ABCC4: variants seen among roughly 807,000 people sequenced by gnomAD.
The protein encoded by ABCC4 is ATP-binding cassette sub-family C member 4.
Under a neutral mutation model 168.5 loss-of-function variants are expected in ABCC4, and 102 were observed. That is an observed-to-expected ratio of 0.61 (90% confidence interval 0.52 to 0.71). The LOEUF (loss-of-function observed/expected upper bound fraction) is 0.71. Ranked by LOEUF, ABCC4 falls within the 30% of genes least tolerant of loss-of-function variation. The pLI, the probability that ABCC4 is intolerant of heterozygous loss-of-function variation, is 0.00. For synonymous variants in ABCC4, 617 were observed against 590.7 expected, an observed-to-expected ratio of 1.04 and a Z score of -0.65; for missense variants, 1,402 against 1,605.8, an observed-to-expected ratio of 0.87 and a Z score of 2.17.
In ABCC4 at chr13:95,115,919, T is replaced by C. The variant is rs980750717; in HGVS notation, c.2535+3A>G. 6.2e-7 allele frequency: 1 copy of C among 1,610,340 alleles called. No homozygotes were observed. Among genetic ancestry groups the C allele is most frequent in the Non-Finnish European group, 8.5e-7 (1 of 1,178,076 alleles). Reference sequence around the variant, plus strand: ...GAGATCCTGACATTACTCTCAACGTTACCTGGATGAAATCTAAAAACGTCA... The same window carrying C: ...GAGATCCTGACATTACTCTCAACGTCACCTGGATGAAATCTAAAAACGTCA... On this transcript the variant is annotated splice_donor_region_variant and intron_variant, in intron 20 of 30. Coordinates refer to ENST00000645237, the MANE Select transcript of ABCC4 (RefSeq NM_005845.5).
chr13:95,267,898 T>C (rs200757933), intron 1 of ABCC4, among the ~76,000 whole-genome samples: 1 of 152,034 alleles, frequency 6.6e-6, no homozygotes, highest in Non-Finnish European at 1.5e-5. Flanking sequence ...CTGAGATCAA[T>C]CCCACAGCCA....
chr13:95,164,729 A>G (rs2037216036), intron 15 of ABCC4, among the ~76,000 whole-genome samples: 1 of 151,868 alleles, frequency 6.6e-6, no homozygotes, highest in Non-Finnish European at 1.5e-5. Flanking sequence ...AATTTTGCTC[A>G]TGTTTCCCAG....
chr13:95,096,148 A>G (rs2034588717), intron 20 of ABCC4: 6 of 639,862 alleles, frequency 9.4e-6, no homozygotes, highest in South Asian at 8.8e-5. Flanking sequence ...GGAGTTTGAG[A>G]CCAGCCAGGA....
At chr13:95,135,295 A>C (rs2036110618) in intron 19 of ABCC4, among the ~76,000 whole-genome samples, 1 of 152,244 alleles carries the variant, frequency 6.6e-6, no homozygotes, top group Admixed American at 6.5e-5. Context: ...AAATCAGAAA[A>C]AGTTACAGAG....
chr13:95,211,975 G>A (rs1001618995), intron 4 of ABCC4, among the ~76,000 whole-genome samples: 2 of 151,982 alleles, frequency 1.3e-5, no homozygotes, highest in Admixed American at 6.6e-5. Context: ...TCAGGAGTTC[G>A]AGATCAGCCT....
chr13:95,244,319 A>G (rs948452097), intron 3 of ABCC4, among the ~76,000 whole-genome samples: 1 of 151,884 alleles, frequency 6.6e-6, no homozygotes, highest in African/African-American at 2.4e-5. Flanking sequence ...CTTCTGACTG[A>G]GCATGGTGAT....
In ABCC4 at chr13:95,178,055, T is replaced by C. The variant is rs770529292; in HGVS notation, c.1582A>G (p.Ile528Val). The C allele has an allele frequency of 6.2e-7, 1 of 1,614,182 alleles. No individual in the cohort carries two copies. Reference sequence around the variant, plus strand: ...CTCAGCGTGGTTCCCCGATCTCCTATCACAGTCAGATCACCATCCTCCAAC... The same window carrying C: ...CTCAGCGTGGTTCCCCGATCTCCTACCACAGTCAGATCACCATCCTCCAAC... ...QLLEDGDLTV[I>V]GDRGTTLSGG... is the part of the protein sequence containing the mutation. The change falls in exon 12 of 31, where the codon ATA becomes GTA. Residue 528 changes from isoleucine (I) to valine (V), a missense_variant. By Grantham distance (29) the Ile-to-Val change is conservative. This residue lies in a region of ABCC4 where 1,007 missense variants were observed against 1,127.3 expected (regional missense o/e 0.89). Transcript: ENST00000645237.
At chr13:95,143,316 A>G (rs976022202) in intron 19 of ABCC4, among the ~76,000 whole-genome samples, 2 of 152,198 alleles carry the variant, frequency 1.3e-5, no homozygotes, top group African/African-American at 4.8e-5. Context: ...CCTTCTGACC[A>G]TGTTATTCTG....
chr13:95,218,000 G>C (rs564416908), intron 4 of ABCC4, among the ~76,000 whole-genome samples: 3 of 152,148 alleles, frequency 2.0e-5, no homozygotes, highest in Non-Finnish European at 4.4e-5. Flanking sequence ...ACTAGGATGT[G>C]GCTTTTGAGT....
chr13:95,299,627 T>G (rs1481474864), intron 1 of ABCC4, among the ~76,000 whole-genome samples: 2 of 152,130 alleles, frequency 1.3e-5, no homozygotes, highest in Non-Finnish European at 1.5e-5. Flanking sequence ...GTGTATTTTA[T>G]GTATGGCCCA....
chr13:95,085,539 G>T (rs919761342), intron 20 of ABCC4, among the ~76,000 whole-genome samples: 6 of 152,166 alleles, frequency 3.9e-5, no homozygotes, highest in African/African-American at 1.4e-4. Context: ...ATTTTCACAG[G>T]CAGGTTTAAC....
intron 22 of ABCC4, 107 bp from the exon 23 acceptor site, chr13:95,074,431 G>GT: frequency 3.8e-6 from 3 of 786,178 alleles, no homozygotes; most frequent in Non-Finnish European, 6.2e-6. Flanking sequence ...GGGCACCAAA[G>GT]TTGCACACCC....
intron 19 of ABCC4, among the ~76,000 whole-genome samples, chr13:95,145,238 T>C (rs996452955): frequency 6.6e-6 from 1 of 152,134 alleles, no homozygotes; most frequent in Non-Finnish European, 1.5e-5. Flanking sequence ...TGGAGACTTC[T>C]CAAAGAACTT....
chr13:95,230,143 G>A (rs2039580470), intron 4 of ABCC4, among the ~76,000 whole-genome samples: 1 of 152,196 alleles, frequency 6.6e-6, no homozygotes, highest in Admixed American at 6.5e-5. Flanking sequence ...ATGCCAATCT[G>A]TTGACCTCAC....
At chr13:95,208,475 C>T (rs745449725) in intron 6 of ABCC4, among the ~76,000 whole-genome samples, 26 of 152,062 alleles carry the variant, frequency 1.7e-4, no homozygotes, top group Non-Finnish European at 3.5e-4. Flanking sequence ...ACAAAGAACT[C>T]AATGCACTTC....
intron 7 of ABCC4, among the ~76,000 whole-genome samples, 169 bp from the exon 8 acceptor site, chr13:95,206,950 C>T (rs2038800946): frequency 6.6e-6 from 1 of 152,088 alleles, no homozygotes; most frequent in Admixed American, 6.5e-5. Flanking sequence ...GAGAGGTGGC[C>T]AGGAACTACC....
chr13:95,151,657 A>AATC (rs998305465), intron 19 of ABCC4, among the ~76,000 whole-genome samples: 3 of 151,664 alleles, frequency 2.0e-5, no homozygotes, highest in Non-Finnish European at 2.9e-5. Flanking sequence ...AAGGAGAAGA[A>AATC]ATCATCATCA....
intron 30 of ABCC4, among the ~76,000 whole-genome samples, chr13:95,033,483 C>T (rs970835838): frequency 1.3e-5 from 2 of 152,072 alleles, no homozygotes; most frequent in Admixed American, 1.3e-4. Flanking sequence ...CTGGCTAAGT[C>T]CCTTAAATCA....
intron 25 of ABCC4, among the ~76,000 whole-genome samples, chr13:95,066,511 C>T (rs2033552237): frequency 6.6e-6 from 1 of 152,186 alleles, no homozygotes; most frequent in Non-Finnish European, 1.5e-5. Flanking sequence ...GAGAGTTAAG[C>T]ATTTAACTCA....
Sources: gnomAD v4.1 joint callset for allele counts (sites outside exome capture counted in the v4.1 genomes callset) on GRCh38, gnomAD v4.1.1 for gene constraint, gnomAD v4.1.1 regional missense constraint, MANE v1.5 for transcripts, NCBI Gene and HGNC (gene_info 2026-07-23, HGNC 2026-07-21) for gene names.